Variants in COP1 observed in about 807,000 individuals in gnomAD.
COP1 encodes E3 ubiquitin-protein ligase COP1.
In COP1, 24 loss-of-function variants were observed where a neutral mutation model predicts 101.3. The observed-to-expected ratio is 0.24, with a 90% CI of 0.17 to 0.33. The LOEUF is 0.33. COP1 is among the 10% of genes least tolerant of loss of function. The probability of loss-of-function intolerance (pLI) is 1.00; values close to 1 mark genes in which losing one functional copy is unlikely to be tolerated. For synonymous variants in COP1, 347 were observed against 341.9 expected (o/e 1.01, Z -0.17); for missense variants, 663 against 906.2 (o/e 0.73, Z 3.45).
At chr1:176,136,750 T>C (rs977287594) in intron 6 of COP1, among the ~76,000 whole-genome samples, 5 of 152,190 alleles carry the variant, frequency 3.3e-5, no homozygotes, top group African/African-American at 1.2e-4. Context: ...TAGAGAATTA[T>C]GTGAAAACAC....
chr1:176,097,757 T>G (rs1391939749), intron 9 of COP1, among the ~76,000 whole-genome samples: 1 of 149,280 alleles, frequency 6.7e-6, no homozygotes, highest in Non-Finnish European at 1.5e-5. Flanking sequence ...TAATTCCAGC[T>G]ACAAGGGAGG....
intron 6 of COP1, among the ~76,000 whole-genome samples, chr1:176,147,986 G>A (rs911913044): frequency 5.3e-5 from 8 of 151,886 alleles, no homozygotes; most frequent in East Asian, 1.9e-4. Context: ...CACAAGCTCC[G>A]TAACAGGCAA....
chr1:176,143,723 G>C (rs559179340), intron 6 of COP1, among the ~76,000 whole-genome samples: 14 of 152,192 alleles, frequency 9.2e-5, no homozygotes, highest in African/African-American at 3.4e-4. Context: ...AGAACCTTCA[G>C]TGATATAACT....
intron 8 of COP1, among the ~76,000 whole-genome samples, chr1:176,118,326 A>T (rs1464299000): frequency 6.6e-6 from 1 of 152,246 alleles, no homozygotes; most frequent in African/African-American, 2.4e-5. Context: ...AATAAATCAT[A>T]TGAATCTGTC....
intron 5 of COP1, among the ~76,000 whole-genome samples, chr1:176,154,518 A>T (rs1420471240): frequency 1.3e-5 from 2 of 152,238 alleles, no homozygotes; most frequent in African/African-American, 4.8e-5. Flanking sequence ...CATTATCCTT[A>T]GCAAACTAAC....
At chr1:175,983,753 G>C (rs1656436698) in intron 18 of COP1, among the ~76,000 whole-genome samples, 1 of 152,212 alleles carries the variant, frequency 6.6e-6, no homozygotes, top group Non-Finnish European at 1.5e-5. Context: ...GAAATCTAAG[G>C]CTGAGGTGGT....
At chr1:175,962,529 G>A (rs192877783) in intron 18 of COP1, among the ~76,000 whole-genome samples, 72 of 151,962 alleles carry the variant, frequency 4.7e-4, no homozygotes, top group Non-Finnish European at 8.4e-4. Flanking sequence ...CCTCCAAACC[G>A]AGCCTTTTCA....
intron 18 of COP1, among the ~76,000 whole-genome samples, chr1:175,984,121 C>A (rs373105934): frequency 6.6e-6 from 1 of 152,186 alleles, no homozygotes; most frequent in African/African-American, 2.4e-5. Context: ...CCCAAGACCA[C>A]GGGGAAAATG....
At chr1:176,145,195 T>A (rs1186359351) in intron 6 of COP1, among the ~76,000 whole-genome samples, 1 of 152,010 alleles carries the variant, frequency 6.6e-6, no homozygotes, top group East Asian at 1.9e-4. Flanking sequence ...TTTAAACAAT[T>A]ACTTCACACA....
chr1:175,981,134 A>C (rs1159568017), intron 18 of COP1, among the ~76,000 whole-genome samples: 1 of 152,162 alleles, frequency 6.6e-6, no homozygotes, highest in African/African-American at 2.4e-5. Flanking sequence ...TTCTGCCCTA[A>C]GCATATCCTC....
At chr1:176,203,957 G>C (rs972944796) in intron 1 of COP1, among the ~76,000 whole-genome samples, 1 of 152,156 alleles carries the variant, frequency 6.6e-6, no homozygotes, top group African/African-American at 2.4e-5. Flanking sequence ...ATTCAGGTAC[G>C]TCTTCTTGGG....
chr1:175,989,919 G>C (rs920157563), intron 15 of COP1, among the ~76,000 whole-genome samples: 1 of 152,022 alleles, frequency 6.6e-6, no homozygotes, highest in Non-Finnish European at 1.5e-5. Flanking sequence ...ATCAGTTTTA[G>C]AGTATTTCTG....
At chr1:175,952,009 A>G (rs924370657) in intron 18 of COP1, among the ~76,000 whole-genome samples, 2 of 152,236 alleles carry the variant, frequency 1.3e-5, no homozygotes, top group Non-Finnish European at 1.5e-5. Context: ...GAAGACAAGA[A>G]ACAGAGAAAA....
intron 8 of COP1, among the ~76,000 whole-genome samples, chr1:176,117,789 G>A (rs1219664676): frequency 6.6e-6 from 1 of 152,096 alleles, no homozygotes; most frequent in Non-Finnish European, 1.5e-5. Flanking sequence ...TAGCTACTTG[G>A]GAGGCTGAGG....
intron 2 of COP1, among the ~76,000 whole-genome samples, chr1:176,181,264 G>A (rs915043375): frequency 2.0e-5 from 3 of 152,104 alleles, no homozygotes; most frequent in African/African-American, 7.2e-5. Context: ...GTAATAATTT[G>A]GATGAGCTTT....
intron 2 of COP1, among the ~76,000 whole-genome samples, chr1:176,182,241 T>C (rs976885650): frequency 6.6e-6 from 1 of 152,088 alleles, no homozygotes; most frequent in African/African-American, 2.4e-5. Context: ...AGAGGAGGAA[T>C]TGAAGGAGTA....
chr1:176,070,220 A>G (rs1304429569), intron 11 of COP1, among the ~76,000 whole-genome samples: 1 of 151,874 alleles, frequency 6.6e-6, no homozygotes. Context: ...CATCAAATCA[A>G]TCACGAAGTT....
At chr1:176,145,631 A>G (rs1474975578) in intron 6 of COP1, among the ~76,000 whole-genome samples, 4 of 152,278 alleles carry the variant, frequency 2.6e-5, no homozygotes, top group Admixed American at 2.6e-4. Flanking sequence ...AATGGGGCAT[A>G]TTCACTTAAT....
intron 1 of COP1, among the ~76,000 whole-genome samples, chr1:176,190,802 T>C (rs1280751441): frequency 1.3e-5 from 2 of 152,042 alleles, no homozygotes; most frequent in African/African-American, 4.8e-5. Context: ...CATAGTTCAA[T>C]ACATGCATAT....
Sources: gnomAD v4.1 joint callset for allele counts (sites outside exome capture counted in the v4.1 genomes callset) on GRCh38, gnomAD v4.1.1 for gene constraint, MANE v1.5 for transcripts, NCBI Gene and HGNC (gene_info 2026-07-23, HGNC 2026-07-21) for gene names.